Variants in TMTC1 observed in about 807,000 individuals in gnomAD.
The protein encoded by TMTC1 is protein O-mannosyl-transferase TMTC1.
A neutral mutation model predicts 104.8 loss-of-function variants in TMTC1; 73 were observed. The observed-to-expected ratio is 0.70, with a 90% CI of 0.58 to 0.85. The LOEUF is 0.85. Among genes scored for constraint, TMTC1 ranks in the 40% least tolerant of loss-of-function variants. The pLI is 0.00. For synonymous variants in TMTC1, 434 were observed against 428.7 expected, an observed-to-expected ratio of 1.01 and a Z score of -0.15; for missense variants, 1,035 against 1,096.1, an observed-to-expected ratio of 0.94 and a Z score of 0.79.
chr12:29,715,056 C>A (rs539183095), intron 5 of TMTC1, among the ~76,000 whole-genome samples: 2 of 152,282 alleles, frequency 1.3e-5, no homozygotes, highest in East Asian at 3.9e-4. Context: ...TCTCTCAGGG[C>A]ACCCAGAAAT....
In TMTC1 at chr12:29,704,625, ATTT is replaced by A. The variant is rs965288428; in HGVS notation, c.938+47038_938+47040del. 3.9e-5 allele frequency among the ~76,000 whole-genome samples: 6 copies of A among 152,242 alleles called. No homozygotes were observed. In the East Asian group the frequency reaches 1.2e-3, roughly 29 times the overall value. ...TAATACACTGAAATTTAATTGGACA[ATTT>A]TTTTTGATATTCTAATTTAAGACTT... On this transcript the variant is annotated intron_variant, in intron 5 of 17. Transcript: ENST00000539277.
intron 6 of TMTC1, among the ~76,000 whole-genome samples, chr12:29,626,116 T>G (rs946564418): frequency 2.0e-5 from 3 of 152,100 alleles, no homozygotes; most frequent in African/African-American, 7.2e-5. Context: ...AGTGGCAAAT[T>G]TAGATAATAA....
intron 17 of TMTC1, among the ~76,000 whole-genome samples, chr12:29,509,661 A>C (rs376933960): frequency 3.3e-5 from 5 of 152,246 alleles, no homozygotes; most frequent in African/African-American, 9.6e-5. Context: ...CATTAGATTG[A>C]ATCACATAAA....
At chr12:29,511,389 G>A (rs997931090) in intron 17 of TMTC1, among the ~76,000 whole-genome samples, 2 of 151,988 alleles carry the variant, frequency 1.3e-5, no homozygotes, top group African/African-American at 4.8e-5. Context: ...CCTAGCAGGG[G>A]ATATGACACA....
chr12:29,518,579 G>A lies in TMTC1; in HGVS notation c.1917C>T (p.Tyr639=), dbSNP rs764616056. 3.7e-6 allele frequency: 6 copies of A among 1,613,986 alleles called. No individual in the cohort carries two copies. The African/African-American group carries it at 6.7e-5, about 18-fold the overall frequency. ...TGLPEKAVAH[Y]QQAIKLSPSH... ...TGGGGCTAAGTTTGATGGCCTGCTGGTAATGGGCCACTGCCTTTTCTGGTA... is the reference window on the plus strand; with the variant it reads ...TGGGGCTAAGTTTGATGGCCTGCTGATAATGGGCCACTGCCTTTTCTGGTA... Residue 639 remains tyrosine (Y), a synonymous_variant, in exon 13 of 18, where the codon TAC becomes TAT. Coordinates refer to ENST00000539277, the MANE Select transcript of TMTC1 (RefSeq NM_001193451.2).
chr12:29,723,374 A>C (rs1462787502), intron 5 of TMTC1, among the ~76,000 whole-genome samples: 6 of 152,218 alleles, frequency 3.9e-5, no homozygotes, highest in Admixed American at 2.0e-4. Context: ...AATTGTTTTA[A>C]GGCTACAATA....
intron 6 of TMTC1, among the ~76,000 whole-genome samples, chr12:29,631,554 A>C (rs1386933853): frequency 6.6e-6 from 1 of 152,182 alleles, no homozygotes; most frequent in Non-Finnish European, 1.5e-5. Flanking sequence ...ATTAGTGTGG[A>C]TTTAGCCCTG....
chr12:29,758,783 A>G lies in TMTC1; in HGVS notation c.481-6T>C, dbSNP rs1407791385. The G allele has an allele frequency of 4.4e-6, 7 of 1,589,554 alleles. No homozygotes were observed. The highest frequency in any genetic ancestry group is 6.0e-6 in the Non-Finnish European group (7 of 1,171,120). ...CTGCCAACGATCCCAGCCACCTTGG[A>G]AGTTAAAATAATAAAAAATGAAACT... On this transcript the variant is annotated splice_polypyrimidine_tract_variant and splice_region_variant and intron_variant, in intron 2 of 17. Transcript: ENST00000539277.
chr12:29,610,805 T>A (rs1565708459), intron 6 of TMTC1, among the ~76,000 whole-genome samples: 1 of 152,170 alleles, frequency 6.6e-6, no homozygotes, highest in Non-Finnish European at 1.5e-5. Context: ...ATGTGAACAC[T>A]GAGTTGGGAC....
At chr12:29,618,968 T>C (rs1947060497) in intron 6 of TMTC1, among the ~76,000 whole-genome samples, 1 of 152,244 alleles carries the variant, frequency 6.6e-6, no homozygotes, top group South Asian at 2.1e-4. Flanking sequence ...TGAATCATTA[T>C]GAGAAATAAC....
chr12:29,773,725 G>A (rs1185683963), intron 1 of TMTC1, among the ~76,000 whole-genome samples: 5 of 152,038 alleles, frequency 3.3e-5, no homozygotes, highest in Admixed American at 6.5e-5. Context: ...ACCAATGATC[G>A]CTGCAGGTCA....
intron 5 of TMTC1, among the ~76,000 whole-genome samples, chr12:29,727,920 G>GC (rs1320658764): frequency 2.6e-5 from 4 of 152,132 alleles, no homozygotes; most frequent in African/African-American, 9.7e-5. Flanking sequence ...TTCCCGAGTA[G>GC]CTGGGACTAC....
intron 10 of TMTC1, among the ~76,000 whole-genome samples, chr12:29,536,586 C>T (rs1365600200): frequency 2.6e-5 from 4 of 152,104 alleles, no homozygotes; most frequent in East Asian, 1.9e-4. Flanking sequence ...GTGCACTCTT[C>T]GAGAGTTATA....
intron 5 of TMTC1, among the ~76,000 whole-genome samples, chr12:29,655,456 T>G (rs1471643868): frequency 6.6e-6 from 1 of 152,218 alleles, no homozygotes; most frequent in Non-Finnish European, 1.5e-5. Flanking sequence ...ACAACTATCA[T>G]GTTTCTGTAC....
chr12:29,584,532 G>T (rs1163937459), intron 7 of TMTC1, among the ~76,000 whole-genome samples: 1 of 151,730 alleles, frequency 6.6e-6, no homozygotes, highest in Non-Finnish European at 1.5e-5. Flanking sequence ...ACGTTGGTGT[G>T]CTGCACCCAT....
intron 5 of TMTC1, among the ~76,000 whole-genome samples, chr12:29,673,708 T>A (rs1002687412): frequency 1.7e-4 from 26 of 151,110 alleles, no homozygotes; most frequent in African/African-American, 4.8e-4. Flanking sequence ...GTGTTCATTA[T>A]CTCTGTGTAA....
intron 6 of TMTC1, among the ~76,000 whole-genome samples, chr12:29,632,505 T>C (rs1938349443): frequency 1.3e-5 from 2 of 152,164 alleles, no homozygotes; most frequent in South Asian, 4.1e-4. Flanking sequence ...CACTGGGCAC[T>C]CATTATTCTC....
At chr12:29,761,428 T>G (rs1943346218) in intron 2 of TMTC1, among the ~76,000 whole-genome samples, 1 of 152,122 alleles carries the variant, frequency 6.6e-6, no homozygotes, top group African/African-American at 2.4e-5. Context: ...TGACTCTGGA[T>G]AGAAAGTATA....
rs115099212 is a variant in TMTC1, at chr12:29,703,564, C to G, written c.938+48102G>C. 2.0e-5 allele frequency among the ~76,000 whole-genome samples: 3 copies of G among 152,232 alleles called. No homozygotes were observed. In the East Asian group the frequency reaches 5.8e-4, roughly 29 times the overall value. On this transcript the variant is annotated intron_variant, in intron 5 of 17. Coordinates refer to ENST00000539277, the MANE Select transcript of TMTC1 (RefSeq NM_001193451.2). ...GCTTTTTTCCAAGATACCATTTGCT[C>G]GGATTAAATTATGCTTAATGCCAAG...
Sources: allele counts gnomAD v4.1 joint callset (sites outside exome capture counted in the v4.1 genomes callset), GRCh38; gene constraint gnomAD v4.1.1; transcripts MANE v1.5; gene names NCBI Gene and HGNC (gene_info 2026-07-23, HGNC 2026-07-21).